The following BTBD3 variants were observed in gnomAD, a reference collection of about 807,000 sequenced individuals.
BTBD3 encodes the protein BTB domain containing 3, also known as BTB/POZ domain-containing protein 3.
Under a neutral mutation model 41.6 loss-of-function variants are expected in BTBD3, and 14 were observed. The observed-to-expected ratio is 0.34, with a 90% CI of 0.22 to 0.53. BTBD3 has a LOEUF of 0.53. BTBD3 is among the 20% of genes least tolerant of loss of function. The probability of loss-of-function intolerance (pLI) is 0.95; values close to 1 mark genes in which losing one functional copy is unlikely to be tolerated. For missense variants in BTBD3, 426 were observed against 654.7 expected (o/e 0.65, Z 3.81); for synonymous variants, 249 against 233.7 (o/e 1.07, Z -0.60).
At chr20:11,920,599 T>A (rs1439879172) in intron 3 of BTBD3, among the ~76,000 whole-genome samples, 1 of 152,222 alleles carries the variant, frequency 6.6e-6, no homozygotes, top group East Asian at 1.9e-4. Context: ...TTCTTTATCA[T>A]GTACGGTACT....
chr20:11,891,031 G>A, intron 1 of BTBD3: 1 of 945,584 alleles, frequency 1.1e-6, no homozygotes, highest in Non-Finnish European at 1.3e-6. Flanking sequence ...GCAGGGGCGC[G>A]CGCCCTGCGG....
Position 11,922,991 on chromosome 20 carries a change from A to G in BTBD3, c.894A>G (p.Gln298=), listed in dbSNP as rs768347962. 2 of 1,614,122 alleles carry G rather than the reference A, an allele frequency of 1.2e-6. No individual in the cohort carries two copies. The highest frequency in any genetic ancestry group is 1.7e-5 in the Admixed American group (1 of 60,016). The change falls in exon 4 of 4, where the codon CAA becomes CAG. Residue 298 remains glutamine (Q), a synonymous_variant. Transcript: ENST00000378226. Reference sequence around the variant, plus strand: ...TCAACTGGGCTGAAGTAGAATGCCAACGACAAGATCTGGCGTTGAGCATTG... The same window carrying G: ...TCAACTGGGCTGAAGTAGAATGCCAGCGACAAGATCTGGCGTTGAGCATTG... The part of the protein sequence containing the change: ...AALNWAEVEC[Q]RQDLALSIEN...
Position 11,923,489 on chromosome 20 carries a change from C to T in BTBD3, c.1392C>T (p.Asp464=). The T allele has an allele frequency of 1.2e-6, 2 of 1,614,230 alleles. No homozygotes were observed. Among genetic ancestry groups the T allele is most frequent in the South Asian group, 1.1e-5 (1 of 91,088 alleles). The change falls in exon 4 of 4, where the codon GAC becomes GAT. Residue 464 remains aspartate, a synonymous_variant. Coordinates refer to ENST00000378226, the MANE Select transcript of BTBD3 (RefSeq NM_014962.4). The surrounding 1 kb of genome is among the most constrained non-coding windows in gnomAD (Gnocchi z 5.3). ...AATACCCAGTGCAGATCGAGCCAGACACCTTCTACACAGCCAGTGTGATAC... is the reference window on the plus strand; with the variant it reads ...AATACCCAGTGCAGATCGAGCCAGATACCTTCTACACAGCCAGTGTGATAC... The part of the protein sequence containing the change: ...WFEYPVQIEP[D]TFYTASVILD...
At chr20:11,919,257 G>A in intron 2 of BTBD3, 81 bp downstream of exon 2, 2 of 1,418,816 alleles carry the variant, frequency 1.4e-6, no homozygotes, top group Non-Finnish European at 1.9e-6. Context: ...CTTGGTGTGG[G>A]CAGCTTGCCG....
intron 2 of BTBD3, 23 bp downstream of exon 2, chr20:11,919,199 G>T: frequency 6.2e-7 from 1 of 1,602,404 alleles, no homozygotes; most frequent in Non-Finnish European, 8.5e-7. Context: ...TGCATGACCG[G>T]TTTAGTCCTG....
intron 1 of BTBD3, among the ~76,000 whole-genome samples, chr20:11,891,916 T>TG (rs1163704600): frequency 2.6e-5 from 4 of 152,148 alleles, no homozygotes; most frequent in Non-Finnish European, 5.9e-5. Flanking sequence ...GAGGAGTCGC[T>TG]GGGGAGTTTT....
Position 11,923,717 on chromosome 20 carries a change from A to T in BTBD3, c.*51A>T. On this transcript the variant is annotated 3_prime_UTR_variant, in exon 4 of 4. Transcript: ENST00000378226. The surrounding 1 kb of genome is among the most constrained non-coding windows in gnomAD (Gnocchi z 5.3). ...GCTCCAAAGTGCACATCTGGTTCCA[A>T]CTTGCCTGATGCTTAGCTCATCTGC... 6.6e-7 allele frequency: 1 copy of T among 1,510,594 alleles called. No homozygotes were observed. The highest frequency in any genetic ancestry group is 1.3e-5 in the South Asian group (1 of 77,762). The allele number at this position is 1,510,594 out of a possible 1,614,324, so 93.6% of individuals were successfully genotyped here.
At chr20:11,894,759 T>A (rs2056776567) in intron 1 of BTBD3, among the ~76,000 whole-genome samples, 1 of 152,128 alleles carries the variant, frequency 6.6e-6, no homozygotes, top group African/African-American at 2.4e-5. Context: ...ATTTTTTCCT[T>A]GTATTTGTTC....
chr20:11,897,572 T>TC (rs1347458102), intron 1 of BTBD3, among the ~76,000 whole-genome samples: 1 of 146,170 alleles, frequency 6.8e-6, no homozygotes, highest in Non-Finnish European at 1.5e-5. Context: ...TGTCAGCAAA[T>TC]CCTGCTGTTC....
At chr20:11,896,194 T>C (rs1291239344) in intron 1 of BTBD3, among the ~76,000 whole-genome samples, 1 of 152,242 alleles carries the variant, frequency 6.6e-6, no homozygotes, top group African/African-American at 2.4e-5. Context: ...TGACCTTTTA[T>C]CTCTCAGCAG....
chr20:11,897,638 G>T (rs2056795919), intron 1 of BTBD3, among the ~76,000 whole-genome samples: 1 of 152,106 alleles, frequency 6.6e-6, no homozygotes, highest in African/African-American at 2.4e-5. Flanking sequence ...CGTACTACCA[G>T]CATCTTTGTC....
intron 1 of BTBD3, among the ~76,000 whole-genome samples, chr20:11,911,880 A>G (rs1487109020): frequency 6.6e-6 from 1 of 152,168 alleles, no homozygotes; most frequent in African/African-American, 2.4e-5. Context: ...TAGTATTCCA[A>G]ACAAGGTGCA....
rs147908926 is a variant in BTBD3 at position 11,911,399 on chromosome 20, T to C, written c.-125-6935T>C. ...ACAGATTTTTTAAATCCTAGAAACC[T>C]ATAATTGGAAAAGATAGGCGATCAT... On this transcript the variant is annotated intron_variant, in intron 1 of 4. Coordinates refer to the BTBD3 transcript ENST00000254977. 5.9e-3 allele frequency among the ~76,000 whole-genome samples: 891 copies of C among 152,250 alleles called. 5 individuals carry two copies. The highest frequency in any genetic ancestry group is 7.0e-3 in the Non-Finnish European group (479 of 68,018).
At chr20:11,906,415 C>T (rs894192020) in intron 1 of BTBD3, among the ~76,000 whole-genome samples, 1 of 151,656 alleles carries the variant, frequency 6.6e-6, no homozygotes, top group African/African-American at 2.4e-5. Flanking sequence ...AGGCACATGC[C>T]ACCACACCTG....
At chr20:11,902,887 A>T (rs1457732956) in intron 1 of BTBD3, among the ~76,000 whole-genome samples, 1 of 152,170 alleles carries the variant, frequency 6.6e-6, no homozygotes, top group Non-Finnish European at 1.5e-5. Context: ...TTACCCATTA[A>T]TGAAATACAA....
At chr20:11,903,832 T>C (rs953899860) in intron 1 of BTBD3, among the ~76,000 whole-genome samples, 5 of 152,170 alleles carry the variant, frequency 3.3e-5, no homozygotes, top group African/African-American at 1.2e-4. Flanking sequence ...GGTTTCAAAC[T>C]CCTGACCTCA....
Position 11,923,782 on chromosome 20 carries a change from C to T in BTBD3, c.*116C>T, listed in dbSNP as rs930530994. On this transcript the variant is annotated 3_prime_UTR_variant, in exon 4 of 4. Transcript: ENST00000378226. The surrounding 1 kb of genome is among the most constrained non-coding windows in gnomAD (Gnocchi z 5.3). ...TGCCGGTAATTTGTAATGAATGAAG[C>T]GGTAGGCAGGTTCTAATTTCTTTTA... 8.8e-6 allele frequency: 9 copies of T among 1,028,306 alleles called. No individual in the cohort carries two copies. The highest frequency in any genetic ancestry group is 3.2e-5 in the African/African-American group (2 of 62,090). The allele number at this position is 1,028,306 out of a possible 1,614,324, so 63.7% of individuals were successfully genotyped here.
upstream of BTBD3, among the ~76,000 whole-genome samples, chr20:11,915,343 G>A (rs1251553999): frequency 2.6e-5 from 4 of 151,986 alleles, no homozygotes; most frequent in African/African-American, 9.7e-5. Flanking sequence ...AAGATGTGAG[G>A]GGTTGTTAAG....
intron 1 of BTBD3, among the ~76,000 whole-genome samples, chr20:11,907,879 T>C (rs1275606364): frequency 3.3e-5 from 5 of 152,170 alleles, no homozygotes; most frequent in Non-Finnish European, 7.3e-5. Context: ...TTGCAAGCCA[T>C]GCTTCCTCTC....
Sources: gnomAD v4.1 joint callset for allele counts (sites outside exome capture counted in the v4.1 genomes callset) on GRCh38, gnomAD v4.1.1 for gene constraint, Gnocchi (gnomAD v3.1) non-coding constraint, MANE v1.5 for transcripts, NCBI Gene and HGNC (gene_info 2026-07-23, HGNC 2026-07-21) for gene names.